ACOX3: variants seen among roughly 807,000 people sequenced by gnomAD.
The protein encoded by ACOX3 is acyl-CoA oxidase 3, pristanoyl.
Under a neutral mutation model 81.5 loss-of-function variants are expected in ACOX3, and 73 were observed. That is an observed-to-expected ratio of 0.90 (90% CI 0.74 to 1.09). The LOEUF (loss-of-function observed/expected upper bound fraction) is 1.09. Ranked by LOEUF, ACOX3 falls within the 50% of genes least tolerant of loss-of-function variation. ACOX3 has a pLI of 0.00. For synonymous variants in ACOX3, 387 were observed against 375.1 expected (o/e 1.03, Z -0.37); for missense variants, 947 against 928.0 (o/e 1.02, Z -0.27).
intron 9 of ACOX3, among the ~76,000 whole-genome samples, 154 bp downstream of exon 9, chr4:8,396,783 C>T (rs374134834): frequency 1.3e-5 from 2 of 152,032 alleles, no homozygotes; most frequent in African/African-American, 4.8e-5. Flanking sequence ...GGAAGCCTTG[C>T]GGCCTGAGAT....
At chr4:8,427,351 C>T (rs1459727570) in intron 1 of ACOX3, among the ~76,000 whole-genome samples, 1 of 152,228 alleles carries the variant, frequency 6.6e-6, no homozygotes, top group African/African-American at 2.4e-5. Context: ...TGCAACTGCA[C>T]ACTTTTCTGG....
chr4:8,357,092 T>C, the ACOX3 span: 1 of 449,828 alleles, frequency 2.2e-6, no homozygotes, highest in Non-Finnish European at 4.4e-6. Context: ...TCCTGGCAGG[T>C]GAGAGGAAGA....
At chr4:8,439,771 T>C (rs1579019236) in intron 1 of ACOX3, among the ~76,000 whole-genome samples, 1 of 152,136 alleles carries the variant, frequency 6.6e-6, no homozygotes, top group East Asian at 1.9e-4. Context: ...TCACTCTGTC[T>C]CCCAAAGAGA....
chr4:8,392,885 G>A (rs28621881), intron 10 of ACOX3: 2,277 of 154,160 alleles, frequency 0.015, 63 homozygotes, highest in African/African-American at 0.051. Flanking sequence ...CTCGCTCCCA[G>A]GACAGGGAAG....
intron 1 of ACOX3, among the ~76,000 whole-genome samples, chr4:8,421,776 C>T (rs141422082): frequency 7.1e-4 from 108 of 152,302 alleles, no homozygotes; most frequent in African/African-American, 2.2e-3. Context: ...ATACAGCTCT[C>T]GACATGGGAA....
In ACOX3 at chr4:8,374,840, T is replaced by G. The variant is rs1002173364; in HGVS notation, c.1828+138A>C. 2.1e-5 allele frequency: 20 copies of G among 949,846 alleles called. 1 individual carries two copies. The Admixed American group carries it at 4.8e-4, about 23-fold the overall frequency. 58.8% of individuals were successfully genotyped at this position (949,846 alleles called of 1,614,324 possible). ...GCTTCTCATTATGGAACTGGGCTTC[T>G]CATCTGTCCACAGCGCCATCCGCCG... is the stretch of plus-strand genomic sequence containing the variant. On this transcript the variant is annotated intron_variant, in intron 15 of 17. Transcript: ENST00000356406.
chr4:8,377,121 A>G (rs1717064873), intron 14 of ACOX3, among the ~76,000 whole-genome samples: 1 of 152,102 alleles, frequency 6.6e-6, no homozygotes, highest in African/African-American at 2.4e-5. Context: ...CCACACCCCA[A>G]AACGTGCTCC....
rs748737411 is a variant in ACOX3, at chr4:8,389,176, CAG to C, written c.1532_1533del (p.Ser511CysfsTer32). On this transcript the variant is annotated frameshift_variant, in exon 13 of 18. Coordinates refer to ENST00000356406, the MANE Select transcript of ACOX3 (RefSeq NM_003501.3). LOFTEE classifies it high-confidence loss of function. This position sits in a 1 kb window ranked among gnomAD's most constrained non-coding sequence, Gnocchi z 5.3. ...AGCCCTCCACCTGTGTGTTTACCTGCAGAGTCCAAGCAGTCGGCAACACTGGA... is the reference window on the plus strand; with the variant it reads ...AGCCCTCCACCTGTGTGTTTACCTGCAGTCCAAGCAGTCGGCAACACTGGA... ...EVSSVADCLDSAVALAAYKWL... is the reference protein window; with the variant it reads ...EVSSVADCLDXAVALAAYKWL... 6.2e-7 allele frequency: 1 copy of C among 1,613,444 alleles called. No individual in the cohort carries two copies.
rs1046862469 is a variant in ACOX3, at chr4:8,405,722, C to G, written c.776+233G>C. On this transcript the variant is annotated intron_variant, in intron 7 of 17. Coordinates refer to ENST00000356406, the MANE Select transcript of ACOX3 (RefSeq NM_003501.3). The surrounding 1 kb of genome is among the most constrained non-coding windows in gnomAD (Gnocchi z 7.1). ...GTCTGATCTGAGAGTGTGGAGCCGC[C>G]TGCCAAGGTGAAGCTGGTTTGCTGA... Among the ~76,000 whole-genome samples, 2 of 152,226 alleles carry G rather than the reference C, an allele frequency of 1.3e-5. No homozygotes were observed. Among genetic ancestry groups the G allele is most frequent in the Admixed American group, 1.3e-4 (2 of 15,286 alleles).
At chr4:8,409,268 C>A (rs1232217871) in intron 6 of ACOX3, among the ~76,000 whole-genome samples, 1 of 152,248 alleles carries the variant, frequency 6.6e-6, no homozygotes, top group Non-Finnish European at 1.5e-5. Flanking sequence ...GCTCCTGTGG[C>A]CAGGAGCCTT....
chr4:8,426,288 A>G (rs1723474129), intron 1 of ACOX3, among the ~76,000 whole-genome samples: 1 of 151,934 alleles, frequency 6.6e-6, no homozygotes, highest in Non-Finnish European at 1.5e-5. Flanking sequence ...CTAGATACAT[A>G]CTGGGAAGGA....
intron 14 of ACOX3, among the ~76,000 whole-genome samples, chr4:8,379,381 G>A (rs766448108): frequency 6.6e-6 from 1 of 152,186 alleles, no homozygotes; most frequent in Non-Finnish European, 1.5e-5. Context: ...TCTGGAACAC[G>A]AAGCCCTGCC....
rs1716070119 is a variant in ACOX3 at position 8,370,666 on chromosome 4, A to T, written c.1983+242T>A. Among the ~76,000 whole-genome samples, 1 of 151,852 alleles carries T rather than the reference A, an allele frequency of 6.6e-6. No individual in the cohort carries two copies. On this transcript the variant is annotated intron_variant, in intron 17 of 17. Coordinates refer to ENST00000356406, the MANE Select transcript of ACOX3 (RefSeq NM_003501.3). The surrounding 1 kb of genome is among the most constrained non-coding windows in gnomAD (Gnocchi z 6.3). Reference sequence around the variant, plus strand: ...GCCTGTGCAGGCGGGCAGTGCCACCACCCCATCTCGGGAGGAAAAGGCAGG... The same window carrying T: ...GCCTGTGCAGGCGGGCAGTGCCACCTCCCCATCTCGGGAGGAAAAGGCAGG...
In ACOX3 at chr4:8,366,971, G is replaced by A. The variant is rs762558027; in HGVS notation, c.2093C>T (p.Ser698Leu). 57 of 1,613,782 alleles carry A rather than the reference G, an allele frequency of 3.5e-5. No individual in the cohort carries two copies. Among genetic ancestry groups the A allele is most frequent in the East Asian group, 3.3e-4 (15 of 44,890 alleles). The change falls in exon 18 of 18, where the codon TCG (serine) becomes TTG (leucine). Residue 698 changes from serine (S) to leucine (L), a missense_variant. Coordinates refer to ENST00000356406, the MANE Select transcript of ACOX3 (RefSeq NM_003501.3). The part of the protein sequence containing the change: ...VNKPVIGSLK[S>L]KL ...TGTGTGCCAGTCCCACTAGAGCTTC[G>A]ATTTCAGACTTCCTATGACAGGTTT...
In ACOX3 at chr4:8,397,026, C is replaced by G; in HGVS notation, c.967G>C (p.Val323Leu). ...GCTGAGAAGCGAAGAGCGATGGCCACGGCCAGCTTTAGGTTAAGGATGGCC... is the reference window on the plus strand; with the variant it reads ...GCTGAGAAGCGAAGAGCGATGGCCAGGGCCAGCTTTAGGTTAAGGATGGCC... ...SLAILNLKLA[V>L]AIALRFSATR... The change falls in exon 9 of 18, where the codon GTG becomes CTG. Residue 323 changes from valine to leucine, a missense_variant. Coordinates refer to ENST00000356406, the MANE Select transcript of ACOX3 (RefSeq NM_003501.3). 1.3e-5 allele frequency: 21 copies of G among 1,611,540 alleles called. No homozygotes were observed. The highest frequency in any genetic ancestry group is 1.8e-5 in the Non-Finnish European group (21 of 1,178,972).
At chr4:8,413,886 C>T (rs901943056) in intron 5 of ACOX3, among the ~76,000 whole-genome samples, 1 of 152,254 alleles carries the variant, frequency 6.6e-6, no homozygotes, top group East Asian at 1.9e-4. Context: ...AGAGGGACAG[C>T]CACAAAGGGC....
rs1185962610 is a variant in ACOX3 at position 8,370,257 on chromosome 4, C to T, written c.1983+651G>A. On this transcript the variant is annotated intron_variant, in intron 17 of 17. Coordinates refer to ENST00000356406, the MANE Select transcript of ACOX3 (RefSeq NM_003501.3). This position sits in a 1 kb window ranked among gnomAD's most constrained non-coding sequence, Gnocchi z 6.3. ...CTAGATCTGGTGGGCAGGAGGGGAG[C>T]GTGGGGTGAAGGGCCTTGGAAGGAT... 3.3e-5 allele frequency among the ~76,000 whole-genome samples: 5 copies of T among 152,030 alleles called. No homozygotes were observed. The highest frequency in any genetic ancestry group is 1.9e-4 in the East Asian group (1 of 5,164).
At chr4:8,412,606 C>T (rs1266535622) in intron 5 of ACOX3, among the ~76,000 whole-genome samples, 1 of 152,146 alleles carries the variant, frequency 6.6e-6, no homozygotes, top group Non-Finnish European at 1.5e-5. Context: ...TGAGCACATC[C>T]GCAGGTGCAG....
intron 11 of ACOX3, among the ~76,000 whole-genome samples, chr4:8,390,105 C>CAAAAAAA (rs752872641): frequency 5.4e-5 from 7 of 129,744 alleles, no homozygotes; most frequent in African/African-American, 9.8e-5. Context: ...CCTGTCTCAA[C>CAAAAAAA]AACAACAACA....
Sources: allele counts gnomAD v4.1 joint callset (sites outside exome capture counted in the v4.1 genomes callset), GRCh38; gene constraint gnomAD v4.1.1; non-coding constraint Gnocchi (gnomAD v3.1); transcripts MANE v1.5; gene names NCBI Gene and HGNC (gene_info 2026-07-23, HGNC 2026-07-21).